The following ADK variants were observed in gnomAD, a reference collection of about 807,000 sequenced individuals.
ADK encodes adenosine kinase.
Under a neutral mutation model 44.7 loss-of-function variants are expected in ADK, and 24 were observed. The observed-to-expected ratio is 0.54, with a 90% CI of 0.39 to 0.76. ADK has a LOEUF of 0.76. Ranked by LOEUF, ADK falls within the 30% of genes least tolerant of loss-of-function variation. The pLI is 0.00. For missense variants in ADK, 321 were observed against 425.1 expected (o/e 0.76, Z 2.15); for synonymous variants, 128 against 142.6 (o/e 0.90, Z 0.73).
At chr10:74,494,269 T>A (rs1319610173) in intron 6 of ADK, among the ~76,000 whole-genome samples, 1 of 152,174 alleles carries the variant, frequency 6.6e-6, no homozygotes, top group South Asian at 2.1e-4. Context: ...GGTTAGATAT[T>A]ATGTACTTAC....
chr10:74,181,510 T>C (rs1191051527), intron 1 of ADK, among the ~76,000 whole-genome samples: 1 of 152,218 alleles, frequency 6.6e-6, no homozygotes, highest in Non-Finnish European at 1.5e-5. Context: ...TTGATGCTTT[T>C]GTCATTTTAA....
intron 1 of ADK, among the ~76,000 whole-genome samples, chr10:74,181,250 G>T (rs1204098291): frequency 6.6e-6 from 1 of 151,402 alleles, no homozygotes; most frequent in Non-Finnish European, 1.5e-5. Context: ...TTTTTGGGGG[G>T]GGTCTCTTTA....
chr10:74,202,846 G>C (rs1018315357), intron 2 of ADK, among the ~76,000 whole-genome samples: 2 of 152,006 alleles, frequency 1.3e-5, no homozygotes, highest in Non-Finnish European at 2.9e-5. Context: ...TTATATTCTG[G>C]ATACTAGACC....
intron 10 of ADK, among the ~76,000 whole-genome samples, chr10:74,681,056 T>C (rs1372014520): frequency 6.6e-6 from 1 of 152,236 alleles, no homozygotes; most frequent in Admixed American, 6.5e-5. Flanking sequence ...TGATCCTTCT[T>C]ATGAATTAGG....
At chr10:74,194,151 T>A (rs11000916) in intron 1 of ADK, among the ~76,000 whole-genome samples, 25,929 of 151,962 alleles carry the variant, frequency 0.17, 2,591 homozygotes, top group African/African-American at 0.28. Context: ...CAGGAAAAAC[T>A]TCCCAAGACA....
chr10:74,560,567 C>T (rs1850421787), intron 7 of ADK, among the ~76,000 whole-genome samples: 1 of 152,200 alleles, frequency 6.6e-6, no homozygotes, highest in African/African-American at 2.4e-5. Context: ...TAGCATGTAA[C>T]ATGTACAGCA....
intron 10 of ADK, among the ~76,000 whole-genome samples, chr10:74,696,500 G>A (rs1355547671): frequency 6.6e-6 from 1 of 151,384 alleles, no homozygotes; most frequent in Non-Finnish European, 1.5e-5. Context: ...CGAGTAGCTG[G>A]GACTACAGGC....
intron 3 of ADK, among the ~76,000 whole-genome samples, chr10:74,292,636 G>C (rs1162806636): frequency 6.6e-6 from 1 of 151,900 alleles, no homozygotes; most frequent in Non-Finnish European, 1.5e-5. Flanking sequence ...TATCCTTCTC[G>C]TTATTCAGGA....
chr10:74,275,411 A>T (rs1404946282), intron 3 of ADK, among the ~76,000 whole-genome samples: 1 of 152,010 alleles, frequency 6.6e-6, no homozygotes, highest in Non-Finnish European at 1.5e-5. Context: ...GGTTTGAGAG[A>T]CCAAAATAGA....
intron 2 of ADK, among the ~76,000 whole-genome samples, chr10:74,208,893 T>G (rs1223002463): frequency 6.6e-6 from 1 of 152,084 alleles, no homozygotes; most frequent in East Asian, 1.9e-4. Flanking sequence ...TGTGCCACCA[T>G]GCCCGGCTAA....
chr10:74,231,002 A>G (rs1844740730), intron 3 of ADK, among the ~76,000 whole-genome samples: 1 of 151,972 alleles, frequency 6.6e-6, no homozygotes, highest in Non-Finnish European at 1.5e-5. Context: ...TTTTTTTTTA[A>G]AGGGATTAAT....
chr10:74,190,522 G>A (rs1842922714), intron 1 of ADK, among the ~76,000 whole-genome samples: 1 of 152,070 alleles, frequency 6.6e-6, no homozygotes, highest in Admixed American at 6.6e-5. Flanking sequence ...TGTGTTTTTT[G>A]GTTAGCTTGT....
rs374360587 is a variant in ADK at position 74,438,525 on chromosome 10, C to T, written c.555+39946C>T. ...GATTACAGGCATGAGCCACTGCCCC[C>T]GGCCTTGCCTCTCTTAATAACCATA... On this transcript the variant is annotated intron_variant, in intron 6 of 10. Coordinates refer to ENST00000539909, the MANE Select transcript of ADK (RefSeq NM_006721.4). Among the ~76,000 whole-genome samples, 23 of 152,156 alleles carry T rather than the reference C, an allele frequency of 1.5e-4. No homozygotes were observed. The East Asian group carries it at 3.5e-3, about 23-fold the overall frequency.
intron 9 of ADK, among the ~76,000 whole-genome samples, chr10:74,661,518 A>AATC (rs1310725748): frequency 6.6e-6 from 1 of 152,228 alleles, no homozygotes; most frequent in East Asian, 1.9e-4. Flanking sequence ...TTTCACTCAG[A>AATC]TAACTACCGT....
chr10:74,370,140 TTACATA>T (rs1345405485), intron 4 of ADK, among the ~76,000 whole-genome samples: 6 of 152,176 alleles, frequency 3.9e-5, no homozygotes, highest in Non-Finnish European at 8.8e-5. Context: ...TGCAGATTCT[TTACATA>T]TGATACTAAT....
At chr10:74,310,539 T>G (rs1188626763) in intron 3 of ADK, among the ~76,000 whole-genome samples, 1 of 152,152 alleles carries the variant, frequency 6.6e-6, no homozygotes, top group Non-Finnish European at 1.5e-5. Context: ...TTCGGAATGA[T>G]TCCTTACTTT....
At chr10:74,356,635 CA>C (rs1433108693) in intron 4 of ADK, among the ~76,000 whole-genome samples, 4 of 152,190 alleles carry the variant, frequency 2.6e-5, no homozygotes, top group African/African-American at 7.2e-5. Flanking sequence ...ACATCTCTAG[CA>C]AGCCTATTTC....
At chr10:74,458,711 G>T (rs1846050419) in intron 6 of ADK, among the ~76,000 whole-genome samples, 1 of 152,004 alleles carries the variant, frequency 6.6e-6, no homozygotes, top group Middle Eastern at 3.4e-3. Flanking sequence ...ACTTTTCACA[G>T]CTCCCAAAAC....
At chr10:74,652,010 A>G (rs1253108189) in intron 9 of ADK, among the ~76,000 whole-genome samples, 2 of 151,686 alleles carry the variant, frequency 1.3e-5, no homozygotes, top group African/African-American at 2.4e-5. Context: ...ATTGAGAAGG[A>G]ATTTGGCTAT....
Sources: gnomAD v4.1 joint callset for allele counts (sites outside exome capture counted in the v4.1 genomes callset) on GRCh38, gnomAD v4.1.1 for gene constraint, MANE v1.5 for transcripts, NCBI Gene and HGNC (gene_info 2026-07-23, HGNC 2026-07-21) for gene names.